ANK2: variants seen among roughly 807,000 people sequenced by gnomAD.
The protein encoded by ANK2 is ankyrin 2.
A neutral mutation model predicts 360.5 loss-of-function variants in ANK2; 83 were observed. The ratio of observed to expected loss-of-function variants is 0.23; its 90% CI spans 0.19 to 0.28. The LOEUF (loss-of-function observed/expected upper bound fraction) is 0.28, where lower values mean the gene tolerates loss of function less well. Ranked by LOEUF, ANK2 falls within the 10% of genes least tolerant of loss-of-function variation. The pLI is 1.00. For synonymous variants in ANK2, 1,740 were observed against 1,759.5 expected (o/e 0.99, Z 0.28); for missense variants, 4,201 against 4,795.7 (o/e 0.88, Z 3.66).
chr4:112,732,599 C>A, the ANK2 span, among the ~76,000 whole-genome samples: 59 of 152,218 alleles, frequency 3.9e-4, no homozygotes, highest in South Asian at 8.3e-4. Flanking sequence ...AAACTCTTTG[C>A]AATGTTGCTA....
intron 1 of ANK2, among the ~76,000 whole-genome samples, chr4:113,136,385 G>A (rs2096409961): frequency 6.6e-6 from 1 of 152,194 alleles, no homozygotes; most frequent in South Asian, 2.1e-4. Flanking sequence ...GGGAGAGAAT[G>A]CAAAGATGAG....
At chr4:113,267,189 A>T (rs1049900523) in intron 14 of ANK2, among the ~76,000 whole-genome samples, 4 of 152,096 alleles carry the variant, frequency 2.6e-5, no homozygotes, top group African/African-American at 9.7e-5. Context: ...TTTTTCTCCC[A>T]TTCTTTGGGT....
At chr4:113,326,805 CAGCCTG>C (rs2090189594) in intron 26 of ANK2, among the ~76,000 whole-genome samples, 1 of 152,054 alleles carries the variant, frequency 6.6e-6, no homozygotes, top group Non-Finnish European at 1.5e-5. Context: ...AGTTCAAAAC[CAGCCTG>C]AGCAACATAG....
At chr4:113,036,251 T>TAA (rs5861121) in intron 2 of ANK2, among the ~76,000 whole-genome samples, 21 of 141,618 alleles carry the variant, frequency 1.5e-4, no homozygotes, top group African/African-American at 3.4e-4. Flanking sequence ...CTTTTAGTAG[T>TAA]AAAAAAAAAA....
At chr4:113,070,996 A>G (rs916421656) in intron 1 of ANK2, among the ~76,000 whole-genome samples, 1 of 152,098 alleles carries the variant, frequency 6.6e-6, no homozygotes, top group Non-Finnish European at 1.5e-5. Flanking sequence ...ATTACACCCC[A>G]GAGAAGTTAT....
At position 113,353,251 on chromosome 4, in the gene ANK2, C is replaced by T. The variant is rs760684730; in HGVS notation, c.4633C>T (p.Pro1545Ser). Residue 1545 changes from proline (P) to serine (S), a missense_variant, in exon 38 of 46, where the codon CCA (proline) becomes TCA (serine). Pro to Ser is a moderately conservative substitution (Grantham distance 74). Around this residue, in one of 4 missense-constraint regions of ANK2, gnomAD observed 1,268 missense variants for 1,650.8 expected, o/e 0.77. Transcript: ENST00000357077. ...KELVKAAEEE[P>S]GEPFEIVERV... ...GCTGGTGAAGGCTGCTGAGGAAGAG[C>T]CAGGAGAGCCTTTTGAAATCGTTGA... 1.9e-6 allele frequency: 3 copies of T among 1,613,888 alleles called. No individual in the cohort carries two copies. The East Asian group carries it at 6.7e-5, about 36-fold the overall frequency.
At chr4:113,036,839 C>G (rs1311795716) in intron 2 of ANK2, among the ~76,000 whole-genome samples, 1 of 151,756 alleles carries the variant, frequency 6.6e-6, no homozygotes, top group Non-Finnish European at 1.5e-5. Context: ...GGCATGCTTA[C>G]TAGCCAGTAT....
chr4:113,369,718 G>A lies in ANK2; in HGVS notation c.11523G>A (p.Pro3841=), dbSNP rs143290935. The A allele has an allele frequency of 4.3e-5, 70 of 1,614,000 alleles. No individual in the cohort carries two copies. The highest frequency in any genetic ancestry group is 8.0e-5 in the African/African-American group (6 of 74,914). The change falls in exon 43 of 46, where the codon CCG becomes CCA. Residue 3841 remains proline, a synonymous_variant. Transcript: ENST00000357077. ...EPSEHREESS[P]RKTSLVIVES... is the part of the protein sequence containing the mutation. ...CAGAGCACAGAGAGGAGAGCTCTCC[G>A]CGGAAAACCAGCCTCGTAATAGTGG...
intron 1 of ANK2, among the ~76,000 whole-genome samples, chr4:113,099,324 G>A (rs1021627120): frequency 6.6e-5 from 10 of 151,782 alleles, no homozygotes; most frequent in Non-Finnish European, 8.8e-5. Flanking sequence ...CAGGATACAA[G>A]GTTAATATAC....
chr4:112,895,458 C>T (rs2081445398), intron 1 of ANK2, among the ~76,000 whole-genome samples: 1 of 152,138 alleles, frequency 6.6e-6, no homozygotes, highest in Non-Finnish European at 1.5e-5. Flanking sequence ...GGATTATTTT[C>T]CCCACCAATT....
chr4:112,743,481 C>CTCTT, the ANK2 span, among the ~76,000 whole-genome samples: 1 of 150,414 alleles, frequency 6.6e-6, no homozygotes, highest in Non-Finnish European at 1.5e-5. Context: ...CGGTCTTTCT[C>CTCTT]TCTTTCTCTC....
chr4:112,868,230 A>C (rs2071448847), intron 1 of ANK2, among the ~76,000 whole-genome samples: 1 of 152,214 alleles, frequency 6.6e-6, no homozygotes, highest in East Asian at 1.9e-4. Flanking sequence ...CTTAGTCTGT[A>C]TTGCAATGCT....
At chr4:113,258,501 T>C in intron 13 of ANK2, 90 bp downstream of exon 13, 1 of 1,289,688 alleles carries the variant, frequency 7.8e-7, no homozygotes, top group Non-Finnish European at 1.1e-6. Flanking sequence ...TGCGTGTATG[T>C]CATCGAAGTA....
the ANK2 span, among the ~76,000 whole-genome samples, chr4:112,767,566 CAATAAATA>C: frequency 2.5e-4 from 36 of 144,812 alleles, no homozygotes; most frequent in East Asian, 1.2e-3. Flanking sequence ...GACCCTGTCT[CAATAAATA>C]AATAAATAAA....
At chr4:112,929,453 T>C (rs2092940438) in intron 2 of ANK2, among the ~76,000 whole-genome samples, 1 of 152,238 alleles carries the variant, frequency 6.6e-6, no homozygotes, top group Non-Finnish European at 1.5e-5. Context: ...AAAAGATCTT[T>C]ATGGCAGGGA....
intron 1 of ANK2, among the ~76,000 whole-genome samples, chr4:113,161,137 A>C (rs2097521377): frequency 6.6e-6 from 1 of 152,222 alleles, no homozygotes; most frequent in African/African-American, 2.4e-5. Flanking sequence ...GTTGTGTTTA[A>C]ATCAGGAATT....
chr4:113,211,257 G>T (rs2153452554), intron 4 of ANK2, among the ~76,000 whole-genome samples: 1 of 152,298 alleles, frequency 6.6e-6, no homozygotes, highest in Admixed American at 6.5e-5. Flanking sequence ...GATAATTTGT[G>T]CATCATTCTT....
chr4:112,745,373 G>A, the ANK2 span, among the ~76,000 whole-genome samples: 5 of 152,074 alleles, frequency 3.3e-5, no homozygotes, highest in South Asian at 6.2e-4. Flanking sequence ...CATGCAATGC[G>A]TAATAATCAC....
At chr4:113,219,788 C>T (rs561954131) in intron 4 of ANK2, among the ~76,000 whole-genome samples, 1 of 152,226 alleles carries the variant, frequency 6.6e-6, no homozygotes, top group South Asian at 2.1e-4. Flanking sequence ...TTATGATACT[C>T]TTCAGATTTC....
Sources: allele counts gnomAD v4.1 joint callset (sites outside exome capture counted in the v4.1 genomes callset), GRCh38; gene constraint gnomAD v4.1.1; regional missense constraint gnomAD v4.1.1; transcripts MANE v1.5; gene names NCBI Gene and HGNC (gene_info 2026-07-23, HGNC 2026-07-21).